The following NTM variants were observed in gnomAD, a reference collection of about 807,000 sequenced individuals.
NTM encodes the protein IgLON family member 2.
A neutral mutation model predicts 42.1 loss-of-function variants in NTM; 13 were observed. The observed-to-expected ratio is 0.31, with a 90% confidence interval of 0.20 to 0.49. The LOEUF is 0.49. NTM is among the 20% of genes least tolerant of loss of function. The probability of loss-of-function intolerance (pLI) is 0.99; values close to 1 mark genes in which losing one functional copy is unlikely to be tolerated. For synonymous variants in NTM, 187 were observed against 179.2 expected (o/e 1.04, Z -0.35); for missense variants, 373 against 452.8 (o/e 0.82, Z 1.60).
intron 2 of NTM, among the ~76,000 whole-genome samples, chr11:131,983,814 C>G (rs555223538): frequency 1.3e-5 from 2 of 152,342 alleles, no homozygotes; most frequent in African/African-American, 4.8e-5. Context: ...TGTAGTCACT[C>G]AGGGATCCAG....
At chr11:131,628,220 C>T (rs2063314515) in intron 1 of NTM, among the ~76,000 whole-genome samples, 1 of 152,222 alleles carries the variant, frequency 6.6e-6, no homozygotes, top group Non-Finnish European at 1.5e-5. Context: ...ACACACTCTG[C>T]AAAGCATCAG....
At chr11:132,294,198 TC>T (rs1428312566) in intron 4 of NTM, among the ~76,000 whole-genome samples, 1 of 152,154 alleles carries the variant, frequency 6.6e-6, no homozygotes, top group Non-Finnish European at 1.5e-5. Flanking sequence ...ATAATTACCT[TC>T]AGCAATCATG....
chr11:132,022,258 G>A lies in NTM; in HGVS notation c.167+110610G>A, dbSNP rs114914516. Among the ~76,000 whole-genome samples, 722 of 152,266 alleles carry A rather than the reference G, an allele frequency of 4.7e-3. 9 individuals are homozygous for A. Among genetic ancestry groups the A allele is most frequent in the African/African-American group, 0.016 (684 of 41,544 alleles). ...ATGCTTCTCAGATTGTTAAGATTTC[G>A]TTCAATTACCACTCCACTGGAATGG... On this transcript the variant is annotated intron_variant, in intron 2 of 8. Transcript: ENST00000683400.
At chr11:131,997,213 T>C (rs1403617244) in intron 2 of NTM, among the ~76,000 whole-genome samples, 1 of 152,122 alleles carries the variant, frequency 6.6e-6, no homozygotes, top group Non-Finnish European at 1.5e-5. Flanking sequence ...ACAGCCAGAG[T>C]GGCTTTGCAG....
chr11:131,751,314 C>T (rs1038892647), intron 1 of NTM, among the ~76,000 whole-genome samples: 14 of 151,898 alleles, frequency 9.2e-5, no homozygotes, highest in East Asian at 5.8e-4. Flanking sequence ...AGGCTGGGCA[C>T]GGTGGCTCAC....
At chr11:132,022,422 T>A (rs2074486327) in intron 2 of NTM, among the ~76,000 whole-genome samples, 1 of 152,162 alleles carries the variant, frequency 6.6e-6, no homozygotes, top group Non-Finnish European at 1.5e-5. Flanking sequence ...TAGCTTTGGG[T>A]GATGTTTCTT....
At chr11:132,046,837 C>T (rs1023001636) in intron 2 of NTM, among the ~76,000 whole-genome samples, 17 of 152,310 alleles carry the variant, frequency 1.1e-4, no homozygotes, top group Non-Finnish European at 1.9e-4. Flanking sequence ...TATCTATCTA[C>T]TGTTTATCTA....
intron 1 of NTM, among the ~76,000 whole-genome samples, chr11:131,401,260 A>G (rs1335260390): frequency 1.3e-5 from 2 of 152,206 alleles, no homozygotes; most frequent in Non-Finnish European, 2.9e-5. Flanking sequence ...CCAGAGGGCC[A>G]CATCCCATCA....
chr11:132,213,240 C>T (rs959682108), intron 4 of NTM, among the ~76,000 whole-genome samples: 3 of 152,106 alleles, frequency 2.0e-5, no homozygotes. Context: ...TTGGTCTCAA[C>T]TCCCATGGAA....
intron 3 of NTM, among the ~76,000 whole-genome samples, chr11:132,148,402 T>C (rs576751622): frequency 8.5e-5 from 13 of 152,264 alleles, no homozygotes; most frequent in African/African-American, 2.9e-4. Context: ...ATCTGCATAC[T>C]CTACCAGGTG....
chr11:131,779,604 A>C (rs2135993317), intron 1 of NTM, among the ~76,000 whole-genome samples: 1 of 152,292 alleles, frequency 6.6e-6, no homozygotes, highest in Non-Finnish European at 1.5e-5. Flanking sequence ...CATGTGCTCT[A>C]AGAGTAGCTT....
chr11:132,028,674 C>T lies in NTM; in HGVS notation c.167+117026C>T, dbSNP rs569435387. The stretch of plus-strand genomic sequence containing the variant: ...TGTCTCAGGGTTGCTTTTCTTCCCC[C>T]GCTCAGGTGAGACAGGAAGTGTAGA... On this transcript the variant is annotated intron_variant, in intron 2 of 8. Transcript: ENST00000683400. Among the ~76,000 whole-genome samples the T allele has an allele frequency of 9.2e-5, 14 of 152,196 alleles. No homozygotes were observed. In the South Asian group the frequency reaches 1.5e-3, roughly 16 times the overall value.
At chr11:132,089,201 A>C (rs966146065) in intron 2 of NTM, among the ~76,000 whole-genome samples, 4 of 152,192 alleles carry the variant, frequency 2.6e-5, no homozygotes, top group African/African-American at 9.7e-5. Flanking sequence ...GATCCCAAGA[A>C]ACTGTTACCA....
intron 1 of NTM, among the ~76,000 whole-genome samples, chr11:131,692,155 C>T (rs909584723): frequency 2.0e-5 from 3 of 152,248 alleles, no homozygotes; most frequent in African/African-American, 7.2e-5. Context: ...CACTCTAGGG[C>T]TTGAAACCTT....
At chr11:131,789,800 CA>C (rs201999957) in intron 1 of NTM, among the ~76,000 whole-genome samples, 1 of 145,722 alleles carries the variant, frequency 6.9e-6, no homozygotes, top group African/African-American at 2.5e-5. Flanking sequence ...ACTAAAAATA[CA>C]AAAAATTAGC....
At chr11:132,226,768 G>A (rs1027903928) in intron 4 of NTM, among the ~76,000 whole-genome samples, 1 of 152,126 alleles carries the variant, frequency 6.6e-6, no homozygotes, top group Non-Finnish European at 1.5e-5. Flanking sequence ...CAATCTAAGA[G>A]TATGTTAATC....
chr11:131,642,670 C>T (rs1378527658), intron 1 of NTM, among the ~76,000 whole-genome samples: 1 of 152,182 alleles, frequency 6.6e-6, no homozygotes, highest in African/African-American at 2.4e-5. Flanking sequence ...GGAGTTGACC[C>T]AACCTGGGGT....
intron 2 of NTM, among the ~76,000 whole-genome samples, chr11:132,031,630 G>A (rs939162320): frequency 1.1e-4 from 17 of 152,136 alleles, no homozygotes; most frequent in African/African-American, 3.6e-4. Context: ...TGAGGGCAGG[G>A]AATCTGGAGT....
At chr11:132,147,193 G>A (rs936541212) in intron 3 of NTM, among the ~76,000 whole-genome samples, 2 of 144,006 alleles carry the variant, frequency 1.4e-5, no homozygotes, top group East Asian at 4.0e-4. Context: ...GTGTGTGTGT[G>A]TGTGTGTGTG....
Sources: gnomAD v4.1 joint callset for allele counts (sites outside exome capture counted in the v4.1 genomes callset) on GRCh38, gnomAD v4.1.1 for gene constraint, MANE v1.5 for transcripts, NCBI Gene and HGNC (gene_info 2026-07-23, HGNC 2026-07-21) for gene names.